The following TSPAN16 variants were observed in gnomAD, a reference collection of about 807,000 sequenced individuals.
TSPAN16 encodes tetraspanin-16.
A neutral mutation model predicts 25.2 loss-of-function variants in TSPAN16; 23 were observed. That is an observed-to-expected ratio of 0.91 (90% CI 0.66 to 1.29). The LOEUF is 1.29. TSPAN16 is among the 50% of genes most tolerant of loss of function. The probability of loss-of-function intolerance (pLI) is 0.00; values close to 1 mark genes in which losing one functional copy is unlikely to be tolerated. For missense variants in TSPAN16, 272 were observed against 299.9 expected, an observed-to-expected ratio of 0.91 and a Z score of 0.69; for synonymous variants, 123 against 124.4, an observed-to-expected ratio of 0.99 and a Z score of 0.08.
intron 5 of TSPAN16, among the ~76,000 whole-genome samples, chr19:11,308,724 C>G (rs561655552): frequency 3.3e-5 from 5 of 152,078 alleles, no homozygotes; most frequent in African/African-American, 1.2e-4. Flanking sequence ...CCGCCCGCCT[C>G]GGCCTCCCAA....
Position 11,312,220 on chromosome 19 carries a change from C to T in TSPAN16, c.685C>T (p.Gln229Ter), listed in dbSNP as rs777022293. ...SGSSLGAAVIQLPGILATLLL... is the reference protein window; with the variant it reads ...SGSSLGAAVI ...GAGCTCTCTGGGAGCTGCAGTGATA[C>T]AGGTAAGACCCAGCCTCTCTAGGGT... The change falls in exon 6 of 7, where the codon CAG becomes TAG. Residue 229 changes from glutamine to a stop codon, truncating the protein, a stop_gained and splice_region_variant. Coordinates refer to ENST00000590327, the MANE Select transcript of TSPAN16 (RefSeq NM_001282509.2). LOFTEE classifies it high-confidence loss of function. 2.3e-5 allele frequency: 37 copies of T among 1,608,724 alleles called. No individual in the cohort carries two copies. The Admixed American group carries it at 6.1e-4, about 26-fold the overall frequency.
chr19:11,312,676 G>A (rs1455186341), intron 6 of TSPAN16, among the ~76,000 whole-genome samples: 1 of 151,926 alleles, frequency 6.6e-6, no homozygotes, highest in Admixed American at 6.6e-5. Context: ...GAGGCAGGGG[G>A]ATCACTTGAG....
chr19:11,317,002 G>C (rs953101256), downstream of TSPAN16, among the ~76,000 whole-genome samples: 1 of 151,368 alleles, frequency 6.6e-6, no homozygotes, highest in Non-Finnish European at 1.5e-5. Flanking sequence ...AGTAGACATG[G>C]AGTTTCACCA....
chr19:11,313,056 C>G (rs2080710070), intron 6 of TSPAN16, among the ~76,000 whole-genome samples: 1 of 152,128 alleles, frequency 6.6e-6, no homozygotes, highest in Non-Finnish European at 1.5e-5. Context: ...AAACTTCCCA[C>G]AAAGAAAATA....
intron 6 of TSPAN16, among the ~76,000 whole-genome samples, chr19:11,321,848 A>G (rs925111956): frequency 1.4e-4 from 21 of 152,042 alleles, no homozygotes; most frequent in Non-Finnish European, 2.1e-4. Context: ...TGAGCTTTTT[A>G]CTAGAAGTAG....
At chr19:11,302,288 C>T (rs938999947) in intron 4 of TSPAN16, among the ~76,000 whole-genome samples, 4 of 151,980 alleles carry the variant, frequency 2.6e-5, no homozygotes, top group Non-Finnish European at 5.9e-5. Flanking sequence ...TGGCACCCAC[C>T]ATGCTCCTGT....
Position 11,303,635 on chromosome 19 carries a change from A to G in TSPAN16, c.450+2327A>G, listed in dbSNP as rs1599334278. 2.7e-5 allele frequency among the ~76,000 whole-genome samples: 4 copies of G among 150,296 alleles called. 1 individual carries two copies. The highest frequency in any genetic ancestry group is 9.9e-5 in the African/African-American group (4 of 40,550). On this transcript the variant is annotated intron_variant, in intron 4 of 6. Coordinates refer to ENST00000590327, the MANE Select transcript of TSPAN16 (RefSeq NM_001282509.2). ...AGCGATCCTCCTAACTCAGCCTCCC[A>G]AAGTGCTGGGATTACAGGGGTAGCC...
At chr19:11,299,828 C>T (rs1252163086) in intron 3 of TSPAN16, among the ~76,000 whole-genome samples, 1 of 151,764 alleles carries the variant, frequency 6.6e-6, no homozygotes, top group African/African-American at 2.4e-5. Flanking sequence ...TACAAAAAAA[C>T]TAGCCAGGCC....
intron 6 of TSPAN16, chr19:11,326,648 G>C: frequency 1.9e-6 from 1 of 540,072 alleles, no homozygotes; most frequent in Non-Finnish European, 3.3e-6. Flanking sequence ...CTATTGCCCA[G>C]GCCGGGGTGT....
chr19:11,325,351 T>C, intron 6 of TSPAN16: 1 of 1,187,568 alleles, frequency 8.4e-7, no homozygotes, highest in Non-Finnish European at 1.1e-6. Flanking sequence ...TCGATCACAG[T>C]CCCTGCCGAG....
intron 6 of TSPAN16, chr19:11,324,029 A>T (rs375844342): frequency 6.6e-6 from 1 of 151,590 alleles, no homozygotes; most frequent in Non-Finnish European, 1.5e-5. Context: ...AGCTTCAGAG[A>T]CTCCCCGGCA....
chr19:11,312,428 T>A (rs2080703300), intron 6 of TSPAN16: 1 of 388,396 alleles, frequency 2.6e-6, no homozygotes, highest in East Asian at 3.7e-5. Context: ...ATAAATGAAA[T>A]GGAGAACATC....
At chr19:11,320,043 C>T (rs943414613), downstream of TSPAN16, among the ~76,000 whole-genome samples, 3 of 151,588 alleles carry the variant, frequency 2.0e-5, no homozygotes, top group African/African-American at 7.3e-5. Flanking sequence ...TGATCTCGAT[C>T]TCTTGACCTC....
chr19:11,319,033 C>T (rs912461538), downstream of TSPAN16, among the ~76,000 whole-genome samples: 2 of 152,192 alleles, frequency 1.3e-5, no homozygotes, highest in Non-Finnish European at 2.9e-5. Context: ...TGTGGACACC[C>T]GCTGGGTGTT....
At chr19:11,325,528 T>C in intron 6 of TSPAN16, 2 of 1,613,726 alleles carry the variant, frequency 1.2e-6, no homozygotes, top group Non-Finnish European at 1.7e-6. Context: ...CACCAGGCGC[T>C]CGAAGACCTG....
chr19:11,297,336 G>A (rs896579654), intron 1 of TSPAN16, among the ~76,000 whole-genome samples: 6 of 151,898 alleles, frequency 4.0e-5, no homozygotes, highest in African/African-American at 1.5e-4. Flanking sequence ...GAACATGGCC[G>A]TGCTCACTTA....
At chr19:11,321,679 G>C (rs1297241574) in intron 6 of TSPAN16, among the ~76,000 whole-genome samples, 1 of 152,168 alleles carries the variant, frequency 6.6e-6, no homozygotes, top group Non-Finnish European at 1.5e-5. Context: ...GATGAGGGTA[G>C]GGAAGGGATG....
intron 3 of TSPAN16, 136 bp from the exon 4 acceptor site, chr19:11,301,065 C>T (rs1053991438): frequency 2.9e-6 from 2 of 679,532 alleles, no homozygotes; most frequent in Non-Finnish European, 5.2e-6. Context: ...AGCACAGACC[C>T]CTGAGCTGAG....
At chr19:11,310,325 C>G (rs941636858) in intron 5 of TSPAN16, among the ~76,000 whole-genome samples, 2 of 151,096 alleles carry the variant, frequency 1.3e-5, no homozygotes, top group African/African-American at 4.9e-5. Context: ...CAGGAGTTCA[C>G]CAACATGGTG....
Sources: allele counts gnomAD v4.1 joint callset (sites outside exome capture counted in the v4.1 genomes callset), GRCh38; gene constraint gnomAD v4.1.1; transcripts MANE v1.5; gene names NCBI Gene and HGNC (gene_info 2026-07-23, HGNC 2026-07-21).